PCDH9: variants seen among roughly 807,000 people sequenced by gnomAD.
The protein encoded by PCDH9 is protocadherin 9, also known as protocadherin-9.
A neutral mutation model predicts 70.6 loss-of-function variants in PCDH9; 24 were observed. The observed-to-expected ratio is 0.34, with a 90% CI of 0.25 to 0.48. PCDH9 has a LOEUF of 0.48. PCDH9 is among the 20% of genes least tolerant of loss of function. The pLI is 0.99. For missense variants in PCDH9, 1,281 were observed against 1,503.6 expected (o/e 0.85, Z 2.45); for synonymous variants, 562 against 558.5 (o/e 1.01, Z -0.09).
intron 4 of PCDH9, among the ~76,000 whole-genome samples, chr13:66,390,500 C>A (rs1232475379): frequency 6.6e-6 from 1 of 152,024 alleles, no homozygotes; most frequent in African/African-American, 2.4e-5. Context: ...CTTTAGGAGG[C>A]CGAGTTGGGT....
chr13:66,333,817 T>A (rs1955984700), intron 4 of PCDH9, among the ~76,000 whole-genome samples: 1 of 152,198 alleles, frequency 6.6e-6, no homozygotes, highest in Non-Finnish European at 1.5e-5. Flanking sequence ...GTTAATGTTC[T>A]ATGTCAACTT....
chr13:67,083,625 C>T (rs2086032317), intron 2 of PCDH9, among the ~76,000 whole-genome samples: 1 of 151,968 alleles, frequency 6.6e-6, no homozygotes, highest in Non-Finnish European at 1.5e-5. Flanking sequence ...AAAAAATTGA[C>T]GTGAAAATGG....
intron 3 of PCDH9, among the ~76,000 whole-genome samples, chr13:66,794,437 T>A (rs547527523): frequency 6.6e-6 from 1 of 152,184 alleles, no homozygotes; most frequent in Admixed American, 6.5e-5. Context: ...AAAGTTTCAA[T>A]ACTTCTTTTT....
chr13:66,995,710 C>T (rs1474775584), intron 2 of PCDH9, among the ~76,000 whole-genome samples: 4 of 152,134 alleles, frequency 2.6e-5, no homozygotes, highest in Non-Finnish European at 5.9e-5. Flanking sequence ...AGCTTTTCTT[C>T]TTTCAGGCAA....
At chr13:67,102,135 A>G (rs1000593789) in intron 2 of PCDH9, among the ~76,000 whole-genome samples, 34 of 152,160 alleles carry the variant, frequency 2.2e-4, no homozygotes, top group African/African-American at 8.2e-4. Flanking sequence ...AGTCCTTTAG[A>G]GCTTCAGTTA....
At chr13:66,310,449 T>A (rs943289150) in intron 4 of PCDH9, among the ~76,000 whole-genome samples, 1 of 152,000 alleles carries the variant, frequency 6.6e-6, no homozygotes, top group African/African-American at 2.4e-5. Context: ...ACTTGAGTGG[T>A]TCTTGATGTC....
intron 2 of PCDH9, among the ~76,000 whole-genome samples, chr13:66,939,028 C>T (rs987995015): frequency 6.6e-6 from 1 of 151,848 alleles, no homozygotes; most frequent in African/African-American, 2.4e-5. Flanking sequence ...ATTCAAGTAG[C>T]ATATGATGGG....
At chr13:66,836,567 C>T (rs2081023017) in intron 3 of PCDH9, among the ~76,000 whole-genome samples, 1 of 152,158 alleles carries the variant, frequency 6.6e-6, no homozygotes, top group Non-Finnish European at 1.5e-5. Context: ...TGTGCACCTA[C>T]ATCAGCACTC....
At chr13:66,814,240 A>T (rs2080561747) in intron 3 of PCDH9, among the ~76,000 whole-genome samples, 2 of 152,164 alleles carry the variant, frequency 1.3e-5, no homozygotes, top group South Asian at 2.1e-4. Flanking sequence ...GAATGGATTC[A>T]ATGACTACTC....
intron 2 of PCDH9, among the ~76,000 whole-genome samples, chr13:67,126,037 T>C (rs2138313668): frequency 6.6e-6 from 1 of 152,296 alleles, no homozygotes; most frequent in South Asian, 2.1e-4. Context: ...AGTAACCCCA[T>C]TTTCCTGATG....
chr13:66,611,031 T>C (rs1756627417), intron 4 of PCDH9, among the ~76,000 whole-genome samples: 1 of 152,192 alleles, frequency 6.6e-6, no homozygotes, highest in Non-Finnish European at 1.5e-5. Context: ...TCAAGTTTTC[T>C]TACATTATTC....
intron 4 of PCDH9, among the ~76,000 whole-genome samples, chr13:66,341,068 A>T (rs1026220934): frequency 2.0e-5 from 3 of 152,178 alleles, no homozygotes; most frequent in East Asian, 1.9e-4. Flanking sequence ...AGTAAAATGT[A>T]TTGTCACTTA....
intron 4 of PCDH9, among the ~76,000 whole-genome samples, chr13:66,456,854 A>G (rs934584599): frequency 1.3e-5 from 2 of 152,110 alleles, no homozygotes; most frequent in Non-Finnish European, 2.9e-5. Context: ...GAATAATATA[A>G]CAAACACATG....
At chr13:66,347,556 A>C (rs1956231498) in intron 4 of PCDH9, among the ~76,000 whole-genome samples, 2 of 152,182 alleles carry the variant, frequency 1.3e-5, no homozygotes, top group Non-Finnish European at 2.9e-5. Context: ...AACAAAATTC[A>C]TCATGTCTTC....
At chr13:66,820,326 T>C (rs936984172) in intron 3 of PCDH9, among the ~76,000 whole-genome samples, 1 of 152,184 alleles carries the variant, frequency 6.6e-6, no homozygotes, top group African/African-American at 2.4e-5. Flanking sequence ...TTTTAGTCGA[T>C]ACCCCTAGAT....
At chr13:66,816,002 T>A (rs1212781279) in intron 3 of PCDH9, among the ~76,000 whole-genome samples, 1 of 152,228 alleles carries the variant, frequency 6.6e-6, no homozygotes, top group Non-Finnish European at 1.5e-5. Flanking sequence ...TACATTGGGC[T>A]TGTCCTCCTA....
intron 2 of PCDH9, among the ~76,000 whole-genome samples, chr13:67,045,351 A>G (rs890833179): frequency 6.6e-6 from 1 of 152,058 alleles, no homozygotes; most frequent in Non-Finnish European, 1.5e-5. Flanking sequence ...CGTATTGTAC[A>G]ATTTCCTTTC....
chr13:67,051,640 C>G (rs981564575), intron 2 of PCDH9, among the ~76,000 whole-genome samples: 1 of 151,802 alleles, frequency 6.6e-6, no homozygotes, highest in Non-Finnish European at 1.5e-5. Flanking sequence ...ATCCGCCTAC[C>G]CCAGCCTCCC....
intron 2 of PCDH9, among the ~76,000 whole-genome samples, chr13:66,938,909 A>C (rs1281484707): frequency 6.6e-6 from 1 of 152,168 alleles, no homozygotes; most frequent in Admixed American, 6.5e-5. Flanking sequence ...GAATTATAAA[A>C]ATTGCATGGT....
Sources: allele counts gnomAD v4.1 joint callset (sites outside exome capture counted in the v4.1 genomes callset), GRCh38; gene constraint gnomAD v4.1.1; transcripts MANE v1.5; gene names NCBI Gene and HGNC (gene_info 2026-07-23, HGNC 2026-07-21).